The following EMC3 variants were observed in gnomAD, a reference collection of about 807,000 sequenced individuals.
The protein encoded by EMC3 is 30 kDa protein.
In EMC3, 13 loss-of-function variants were observed where a neutral mutation model predicts 36.6. The observed-to-expected ratio is 0.35, with a 90% CI of 0.23 to 0.56. EMC3 has a LOEUF of 0.56. EMC3 is among the 20% of genes least tolerant of loss of function. The pLI is 0.84. For missense variants in EMC3, 220 were observed against 324.5 expected, an observed-to-expected ratio of 0.68 and a Z score of 2.47; for synonymous variants, 120 against 111.9, an observed-to-expected ratio of 1.07 and a Z score of -0.46.
chr3:9,962,986 A>T lies in EMC3; in HGVS notation c.*1083T>A, dbSNP rs1041157146. 3 of 152,190 alleles carry T rather than the reference A, an allele frequency of 2.0e-5. No homozygotes were observed. The highest frequency in any genetic ancestry group is 4.4e-5 in the Non-Finnish European group (3 of 68,024). The allele number at this position is 152,190 out of a possible 1,614,324, so 9.4% of individuals were successfully genotyped here. A position where few individuals can be genotyped will look rare whatever the true frequency, so the allele number is the denominator to read the frequency against. On this transcript the variant is annotated 3_prime_UTR_variant, in exon 8 of 8. Coordinates refer to ENST00000245046, the MANE Select transcript of EMC3 (RefSeq NM_001394674.1). The stretch of plus-strand genomic sequence containing the variant: ...CCACTGATTTGTCAATGGATTTGAT[A>T]AGATTTGATACACTGACATCCAGAT...
In EMC3 at chr3:9,974,503, C is replaced by T. The variant is rs1304788273; in HGVS notation, c.308-15G>A. 6.4e-7 allele frequency: 1 copy of T among 1,551,582 alleles called. No homozygotes were observed. Among genetic ancestry groups the T allele is most frequent in the South Asian group, 1.1e-5 (1 of 89,466 alleles). ...CATAGTAGGATCTAAGACAAAAGCA[C>T]AAACAAGAAACCACTAAGTTTTACC... On this transcript the variant is annotated splice_polypyrimidine_tract_variant and intron_variant, in intron 3 of 7. Coordinates refer to ENST00000245046, the MANE Select transcript of EMC3 (RefSeq NM_001394674.1).
At chr3:10,005,088 A>G (rs569758914) in intron 1 of EMC3, 2 of 152,348 alleles carry the variant, frequency 1.3e-5, no homozygotes, top group East Asian at 1.9e-4. Context: ...AAGACTTTCC[A>G]TCACCCAAAT....
intron 6 of EMC3, 112 bp downstream of exon 6, chr3:9,970,470 C>T (rs926375142): frequency 3.4e-5 from 41 of 1,218,752 alleles, no homozygotes; most frequent in Non-Finnish European, 5.0e-5. Context: ...AGGAAGGAAA[C>T]ATTTTATTTG....
intron 1 of EMC3, among the ~76,000 whole-genome samples, chr3:9,994,659 C>T (rs1444391715): frequency 1.3e-5 from 2 of 152,078 alleles, no homozygotes; most frequent in Non-Finnish European, 2.9e-5. Context: ...CAACCTTCGC[C>T]TCCCGGATTC....
At chr3:9,991,035 A>G (rs1388009895), upstream of EMC3, among the ~76,000 whole-genome samples, 8 of 151,262 alleles carry the variant, frequency 5.3e-5, no homozygotes, top group Non-Finnish European at 1.2e-4. Flanking sequence ...TCACCATGTT[A>G]GCCAGGATGG....
At chr3:9,972,717 A>G (rs909051451) in intron 5 of EMC3, among the ~76,000 whole-genome samples, 5 of 151,472 alleles carry the variant, frequency 3.3e-5, no homozygotes, top group Non-Finnish European at 5.9e-5. Flanking sequence ...TTGCAGTGAT[A>G]TCGCACCGCT....
At chr3:9,988,323 C>A, upstream of EMC3, 2 of 801,210 alleles carry the variant, frequency 2.5e-6, no homozygotes, top group Non-Finnish European at 2.2e-6. Context: ...CTTGTAAGTT[C>A]TTTTCTGGTA....
chr3:10,000,493 C>T (rs770652740), intron 1 of EMC3, among the ~76,000 whole-genome samples: 6 of 152,160 alleles, frequency 3.9e-5, no homozygotes, highest in Non-Finnish European at 5.9e-5. Flanking sequence ...TAACCACAAG[C>T]TAGTCTTAGT....
At chr3:9,984,072 TA>T (rs2085941499) in intron 1 of EMC3, among the ~76,000 whole-genome samples, 1 of 151,954 alleles carries the variant, frequency 6.6e-6, no homozygotes. Flanking sequence ...CTTTCTGTGG[TA>T]AATACACTTT....
At chr3:9,967,983 G>A (rs1358671058) in intron 7 of EMC3, among the ~76,000 whole-genome samples, 1 of 152,154 alleles carries the variant, frequency 6.6e-6, no homozygotes, top group South Asian at 2.1e-4. Context: ...GTCTAGTGGC[G>A]TGATCTTGAC....
chr3:9,977,544 C>A (rs753008017), intron 1 of EMC3, 98 bp from the exon 2 acceptor site: 59 of 1,046,430 alleles, frequency 5.6e-5, no homozygotes, highest in Non-Finnish European at 7.8e-5. Flanking sequence ...CAAGAGAGGG[C>A]CTATTTGGCA....
At chr3:9,977,163 G>C in intron 2 of EMC3, 113 bp from the exon 3 acceptor site, 1 of 916,774 alleles carries the variant, frequency 1.1e-6, no homozygotes, top group Non-Finnish European at 1.7e-6. Context: ...GTTCCGCTCA[G>C]AGCTGTCAGC....
intron 1 of EMC3, among the ~76,000 whole-genome samples, chr3:10,002,386 T>G (rs898198438): frequency 2.0e-5 from 3 of 152,004 alleles, no homozygotes; most frequent in Non-Finnish European, 2.9e-5. Flanking sequence ...CCTTCCAGGT[T>G]CAGGTGATCC....
chr3:9,986,428 G>A (rs2085972949), intron 1 of EMC3, 79 bp downstream of exon 1: 1 of 1,553,682 alleles, frequency 6.4e-7, no homozygotes, highest in African/African-American at 1.4e-5. Flanking sequence ...GTGAACCTAG[G>A]CAAATTGACA....
At chr3:9,982,602 G>A (rs952656591) in intron 1 of EMC3, among the ~76,000 whole-genome samples, 2 of 151,958 alleles carry the variant, frequency 1.3e-5, no homozygotes, top group African/African-American at 2.4e-5. Flanking sequence ...ATATCGCTGG[G>A]TATGCCTATA....
chr3:9,975,419 C>T (rs1027895909), intron 3 of EMC3, among the ~76,000 whole-genome samples: 2 of 152,020 alleles, frequency 1.3e-5, no homozygotes, highest in Admixed American at 1.3e-4. Flanking sequence ...CTTGCCACTC[C>T]CGCCAATGGT....
intron 1 of EMC3, among the ~76,000 whole-genome samples, chr3:9,998,573 G>T (rs1418090271): frequency 6.6e-6 from 1 of 151,622 alleles, no homozygotes; most frequent in Non-Finnish European, 1.5e-5. Flanking sequence ...GGGTCTACAG[G>T]TACCTGCCAC....
chr3:10,010,839 A>G (rs1175952396), intron 1 of EMC3: 1 of 152,264 alleles, frequency 6.6e-6, no homozygotes, highest in African/African-American at 2.4e-5. Context: ...CCTCTCCCCT[A>G]TGCCCTTGAT....
chr3:10,006,685 C>T (rs536946522), intron 1 of EMC3: 8 of 193,618 alleles, frequency 4.1e-5, no homozygotes, highest in Admixed American at 1.8e-4. Context: ...GGACCAAAGT[C>T]TCAGGGAGGA....
Sources: gnomAD v4.1 joint callset for allele counts (sites outside exome capture counted in the v4.1 genomes callset) on GRCh38, gnomAD v4.1.1 for gene constraint, MANE v1.5 for transcripts, NCBI Gene and HGNC (gene_info 2026-07-23, HGNC 2026-07-21) for gene names.